The following FILIP1 variants were observed in gnomAD, a reference collection of about 807,000 sequenced individuals.
FILIP1 encodes filamin-A-interacting protein 1.
In FILIP1, 61 loss-of-function variants were observed where a neutral mutation model predicts 102.1. That is an observed-to-expected ratio of 0.60 (90% CI 0.49 to 0.74). The LOEUF is 0.74. FILIP1 is among the 30% of genes least tolerant of loss of function. The probability of loss-of-function intolerance (pLI) is 0.00; values close to 1 mark genes in which losing one functional copy is unlikely to be tolerated. For synonymous variants in FILIP1, 491 were observed against 526.9 expected (o/e 0.93, Z 0.93); for missense variants, 1,314 against 1,441.2 (o/e 0.91, Z 1.43).
intron 2 of FILIP1, among the ~76,000 whole-genome samples, chr6:75,381,859 T>C (rs537107485): frequency 6.6e-6 from 1 of 152,252 alleles, no homozygotes; most frequent in East Asian, 1.9e-4. Flanking sequence ...GATGAAAAAA[T>C]AAAGCTCAGA....
At chr6:75,392,986 C>T (rs1776331136) in intron 2 of FILIP1, among the ~76,000 whole-genome samples, 1 of 152,186 alleles carries the variant, frequency 6.6e-6, no homozygotes, top group Non-Finnish European at 1.5e-5. Context: ...ATTGTCCAGT[C>T]TCAGGTATGT....
chr6:75,372,113 G>A (rs1018608640), intron 2 of FILIP1, among the ~76,000 whole-genome samples: 10 of 152,104 alleles, frequency 6.6e-5, no homozygotes, highest in East Asian at 1.9e-4. Flanking sequence ...CTATAATCCC[G>A]GCACTTGGGG....
intron 1 of FILIP1, among the ~76,000 whole-genome samples, chr6:75,480,082 T>A (rs899346748): frequency 2.6e-5 from 4 of 151,980 alleles, no homozygotes; most frequent in African/African-American, 9.7e-5. Flanking sequence ...ATATATGTTT[T>A]AAATTTTTTT....
chr6:75,295,577 T>C lies in FILIP1; in HGVS notation c.*333A>G, dbSNP rs183402519. 14 of 188,154 alleles carry C rather than the reference T, an allele frequency of 7.4e-5. No homozygotes were observed. The East Asian group carries it at 1.1e-3, about 15-fold the overall frequency. 11.7% of individuals were successfully genotyped at this position (188,154 alleles called of 1,614,324 possible). A position where few individuals can be genotyped will look rare whatever the true frequency, so the allele number is the denominator to read the frequency against. On this transcript the variant is annotated 3_prime_UTR_variant, in exon 7 of 7. Coordinates refer to the FILIP1 transcript ENST00000393004. ...CCATAGATATATGTGCCAGAGACTA[T>C]GAAAAAGGGAAACACTTTAGCAAAA...
At chr6:75,304,392 T>G (rs1196423479), downstream of FILIP1, among the ~76,000 whole-genome samples, 1 of 152,142 alleles carries the variant, frequency 6.6e-6, no homozygotes, top group East Asian at 1.9e-4. Context: ...TTTGTATTTT[T>G]GAGGCTGCAG....
intron 2 of FILIP1, among the ~76,000 whole-genome samples, chr6:75,392,256 A>G (rs960597318): frequency 1.2e-4 from 18 of 152,056 alleles, no homozygotes; most frequent in African/African-American, 4.3e-4. Context: ...ACTGGATTTC[A>G]AGGACTTTAA....
chr6:75,454,194 A>G (rs542803382), intron 1 of FILIP1, among the ~76,000 whole-genome samples: 1 of 152,286 alleles, frequency 6.6e-6, no homozygotes, highest in East Asian at 1.9e-4. Context: ...TGGTCCTTAC[A>G]GCTGTAGGAC....
intron 4 of FILIP1, among the ~76,000 whole-genome samples, chr6:75,336,528 G>T (rs1040479111): frequency 6.6e-6 from 1 of 152,004 alleles, no homozygotes; most frequent in Non-Finnish European, 1.5e-5. Flanking sequence ...GGGAATCAAG[G>T]GGTCAGGACC....
chr6:75,421,739 T>A (rs1486872160), intron 1 of FILIP1, among the ~76,000 whole-genome samples: 1 of 152,198 alleles, frequency 6.6e-6, no homozygotes, highest in African/African-American at 2.4e-5. Flanking sequence ...TTAATCTTGT[T>A]GACTCATCTA....
rs570629589 is a variant in FILIP1 at position 75,354,397 on chromosome 6, C to T, written c.451-680G>A. On this transcript the variant is annotated intron_variant, in intron 3 of 5. Transcript: ENST00000237172. ...ACCAGCCTGACCAACATGGTGAAAA[C>T]CTGTCTCTACTAAAAATACAAAAAT... is the stretch of plus-strand genomic sequence containing the variant. Among the ~76,000 whole-genome samples, 4 of 152,186 alleles carry T rather than the reference C, an allele frequency of 2.6e-5. No individual in the cohort carries two copies. The South Asian group carries it at 8.3e-4, about 32-fold the overall frequency.
rs58566488 is a variant in FILIP1, at chr6:75,479,868, CA to C, written c.-7+13545del. On this transcript the variant is annotated intron_variant, in intron 1 of 5. Coordinates refer to ENST00000237172, the MANE Select transcript of FILIP1 (RefSeq NM_015687.5). Reference sequence around the variant, plus strand: ...TGGGCCACAGAGTAAAGCTGTATCTCAAAAAAAAAAAAAAAAAAAAAAAAAA... The same window carrying C: ...TGGGCCACAGAGTAAAGCTGTATCTCAAAAAAAAAAAAAAAAAAAAAAAAA... Among the ~76,000 whole-genome samples, 265 of 42,820 alleles carry C rather than the reference CA, an allele frequency of 6.2e-3. 1 individual carries two copies. The highest frequency in any genetic ancestry group is 0.019 in the African/African-American group (195 of 10,182). 28.1% of individuals were successfully genotyped at this position (42,820 alleles called of 152,430 possible).
intron 4 of FILIP1, among the ~76,000 whole-genome samples, chr6:75,325,325 G>A (rs1406406758): frequency 6.6e-6 from 1 of 152,198 alleles, no homozygotes; most frequent in Non-Finnish European, 1.5e-5. Flanking sequence ...GGGTGGCTGA[G>A]GCAGGAGAAT....
chr6:75,481,127 C>G (rs1779640429), intron 1 of FILIP1, among the ~76,000 whole-genome samples: 2 of 152,120 alleles, frequency 1.3e-5, no homozygotes, highest in Non-Finnish European at 2.9e-5. Context: ...CACTGACCAT[C>G]CAAAATCAGG....
At chr6:75,379,865 G>C (rs1169039834) in intron 2 of FILIP1, among the ~76,000 whole-genome samples, 2 of 152,076 alleles carry the variant, frequency 1.3e-5, no homozygotes, top group African/African-American at 2.4e-5. Flanking sequence ...AAATATCCTA[G>C]GGCTTTTCTT....
At chr6:75,310,783 A>G (rs1441414032) in intron 5 of FILIP1, among the ~76,000 whole-genome samples, 1 of 152,256 alleles carries the variant, frequency 6.6e-6, no homozygotes, top group Non-Finnish European at 1.5e-5. Flanking sequence ...CCTAAAAAGC[A>G]GTATCGGACC....
intron 1 of FILIP1, among the ~76,000 whole-genome samples, chr6:75,492,695 T>C (rs1779999439): frequency 1.3e-5 from 2 of 152,096 alleles, no homozygotes; most frequent in South Asian, 4.2e-4. Flanking sequence ...TAACAGAAAA[T>C]GTTTTCTAAT....
chr6:75,306,208 T>G (rs1369522491), downstream of FILIP1, among the ~76,000 whole-genome samples: 1 of 152,046 alleles, frequency 6.6e-6, no homozygotes, highest in Non-Finnish European at 1.5e-5. Context: ...TTCTGCCAAG[T>G]TTTTTTTAGC....
At chr6:75,430,381 C>T (rs118062348) in intron 1 of FILIP1, among the ~76,000 whole-genome samples, 3,757 of 152,160 alleles carry the variant, frequency 0.025, 96 homozygotes, top group Non-Finnish European at 0.04. Context: ...AAAAGTTAAT[C>T]ACTTATCCCA....
chr6:75,403,565 G>A (rs7775975), intron 2 of FILIP1, among the ~76,000 whole-genome samples: 3,039 of 151,348 alleles, frequency 0.02, 98 homozygotes, highest in African/African-American at 0.069. Context: ...GGTACAGGAG[G>A]AAAGTATGGG....
Sources: gnomAD v4.1 joint callset for allele counts (sites outside exome capture counted in the v4.1 genomes callset) on GRCh38, gnomAD v4.1.1 for gene constraint, MANE v1.5 for transcripts, NCBI Gene and HGNC (gene_info 2026-07-23, HGNC 2026-07-21) for gene names.